Variants in MYO3B observed in about 807,000 individuals in gnomAD.
MYO3B encodes myosin-IIIb.
MYO3B carries 156 observed loss-of-function variants against 174.6 expected under a neutral mutation model. The observed-to-expected ratio is 0.89, with a 90% CI of 0.78 to 1.02. MYO3B has a LOEUF of 1.02. Ranked by LOEUF, MYO3B falls within the 50% of genes least tolerant of loss-of-function variation. The pLI is 0.00. For missense variants in MYO3B, 1,632 were observed against 1,639.4 expected (o/e 1.00, Z 0.08); for synonymous variants, 563 against 569.1 (o/e 0.99, Z 0.15).
chr2:170,557,876 C>A (rs987755292), intron 32 of MYO3B, among the ~76,000 whole-genome samples: 1 of 152,178 alleles, frequency 6.6e-6, no homozygotes, highest in Non-Finnish European at 1.5e-5. Flanking sequence ...CGGGGAGAAG[C>A]TCACATGTGA....
intron 22 of MYO3B, among the ~76,000 whole-genome samples, chr2:170,430,337 A>G (rs1248481732): frequency 1.3e-5 from 2 of 151,266 alleles, no homozygotes; most frequent in Non-Finnish European, 1.5e-5. Flanking sequence ...ATTCCCATCA[A>G]TAGAATCATT....
At chr2:170,338,581 T>C (rs775963746) in intron 8 of MYO3B, among the ~76,000 whole-genome samples, 1 of 152,104 alleles carries the variant, frequency 6.6e-6, no homozygotes, top group Non-Finnish European at 1.5e-5. Flanking sequence ...TGCCCACCAT[T>C]CCCAAATAAT....
rs1254748708 is a variant in MYO3B at position 170,369,188 on chromosome 2, G to A, written c.816-34G>A. On this transcript the variant is annotated intron_variant, in intron 8 of 34. Coordinates refer to ENST00000408978, the MANE Select transcript of MYO3B (RefSeq NM_138995.5). ...ATAGGGGAACAGGGTGTCTAAGATT[G>A]TACTTTGGATTGTTTGTTGGTTTTT... The A allele has an allele frequency of 2.5e-6, 4 of 1,601,566 alleles. No individual in the cohort carries two copies. The Admixed American group carries it at 6.7e-5, about 27-fold the overall frequency.
chr2:170,555,420 C>A (rs1284947277), intron 32 of MYO3B, among the ~76,000 whole-genome samples: 1 of 152,158 alleles, frequency 6.6e-6, no homozygotes, highest in East Asian at 1.9e-4. Flanking sequence ...CCTCCTTATT[C>A]CTCCCTCCCC....
chr2:170,377,634 A>G (rs1195288939), intron 9 of MYO3B, among the ~76,000 whole-genome samples: 2 of 152,174 alleles, frequency 1.3e-5, no homozygotes, highest in African/African-American at 2.4e-5. Context: ...AACTCCAGGA[A>G]CCAGTCCAAG....
intron 28 of MYO3B, among the ~76,000 whole-genome samples, chr2:170,502,750 A>G (rs1243397956): frequency 3.9e-5 from 6 of 152,196 alleles, no homozygotes; most frequent in Non-Finnish European, 7.4e-5. Flanking sequence ...ACTCAGCAGC[A>G]GAGAGAGTGA....
At chr2:170,632,692 G>A (rs927413059) in intron 32 of MYO3B, among the ~76,000 whole-genome samples, 2 of 152,154 alleles carry the variant, frequency 1.3e-5, no homozygotes, top group South Asian at 4.1e-4. Flanking sequence ...AACGAATCCA[G>A]GAGCTGGTTT....
rs181464081 is a variant in MYO3B, at chr2:170,339,375, G to T, written c.815+3925G>T. 5.8e-4 allele frequency among the ~76,000 whole-genome samples: 88 copies of T among 152,268 alleles called. 1 individual carries two copies. The East Asian group carries it at 0.016, about 28-fold the overall frequency. The stretch of plus-strand genomic sequence containing the variant: ...TTTGTCCTCATGTGACTACTGAGCC[G>T]TAACAGAGTCGATTCAATACTCTAG... On this transcript the variant is annotated intron_variant, in intron 8 of 34. Coordinates refer to ENST00000408978, the MANE Select transcript of MYO3B (RefSeq NM_138995.5).
intron 30 of MYO3B, among the ~76,000 whole-genome samples, chr2:170,540,522 C>T (rs116731603): frequency 0.016 from 2,360 of 152,164 alleles, 55 homozygotes; most frequent in African/African-American, 0.052. Flanking sequence ...TCAAGCAGTT[C>T]TCCCACCTCC....
At chr2:170,378,014 T>C (rs1358511603) in intron 9 of MYO3B, among the ~76,000 whole-genome samples, 4 of 152,066 alleles carry the variant, frequency 2.6e-5, no homozygotes, top group Non-Finnish European at 5.9e-5. Context: ...AGATGGAGCA[T>C]GTGAATTTAA....
chr2:170,360,712 C>T (rs925587887), intron 8 of MYO3B, among the ~76,000 whole-genome samples: 36 of 152,148 alleles, frequency 2.4e-4, no homozygotes, highest in Non-Finnish European at 7.4e-5. Context: ...AGAGCCTCTC[C>T]GTGGTGAATG....
chr2:170,436,596 G>A lies in MYO3B; in HGVS notation c.2651-7371G>A, dbSNP rs544643515. On this transcript the variant is annotated intron_variant, in intron 22 of 34. Transcript: ENST00000408978. ...ACTTGCTGAAACTTTGAAATCTTGAGCATCTTGCATATGCACAAATTGCAG... is the reference window on the plus strand; with the variant it reads ...ACTTGCTGAAACTTTGAAATCTTGAACATCTTGCATATGCACAAATTGCAG... Among the ~76,000 whole-genome samples, 9 of 152,302 alleles carry A rather than the reference G, an allele frequency of 5.9e-5. No homozygotes were observed. In the South Asian group the frequency reaches 1.9e-3, roughly 32 times the overall value.
At chr2:170,192,488 AT>A (rs1218498509) in intron 1 of MYO3B, among the ~76,000 whole-genome samples, 1 of 148,076 alleles carries the variant, frequency 6.8e-6, no homozygotes, top group Non-Finnish European at 1.5e-5. Context: ...TATCTATTTT[AT>A]TGTTTTGTCC....
chr2:170,339,775 C>A (rs1240572695), intron 8 of MYO3B, among the ~76,000 whole-genome samples: 2 of 152,168 alleles, frequency 1.3e-5, no homozygotes, highest in African/African-American at 4.8e-5. Flanking sequence ...CATTTATATT[C>A]ATTAGTTATG....
intron 32 of MYO3B, among the ~76,000 whole-genome samples, chr2:170,572,443 C>T (rs1692501326): frequency 2.0e-5 from 3 of 148,040 alleles, no homozygotes; most frequent in African/African-American, 4.9e-5. Context: ...AAAAAAAACC[C>T]ATCTCTACAA....
intron 25 of MYO3B, among the ~76,000 whole-genome samples, chr2:170,467,051 A>G (rs959597716): frequency 1.3e-5 from 2 of 152,196 alleles, no homozygotes; most frequent in Admixed American, 6.5e-5. Flanking sequence ...CCCAAGCACC[A>G]GTTCTTCTTC....
intron 1 of MYO3B, 61 bp from the exon 2 acceptor site, chr2:170,199,147 A>C (rs2092632948): frequency 8.4e-7 from 1 of 1,187,700 alleles, no homozygotes; most frequent in South Asian, 2.4e-5. Context: ...TTTTTGTTTC[A>C]AAAGTCCACT....
chr2:170,576,655 T>C (rs987718706), intron 32 of MYO3B, among the ~76,000 whole-genome samples: 8 of 152,230 alleles, frequency 5.3e-5, no homozygotes, highest in African/African-American at 1.9e-4. Flanking sequence ...GTGTACATAC[T>C]TGCGCATTAA....
intron 25 of MYO3B, among the ~76,000 whole-genome samples, chr2:170,480,367 G>C (rs1309338359): frequency 2.0e-5 from 3 of 152,152 alleles, no homozygotes; most frequent in Non-Finnish European, 2.9e-5. Flanking sequence ...CTGGATAGTT[G>C]AACACATGGA....
Sources: allele counts gnomAD v4.1 joint callset (sites outside exome capture counted in the v4.1 genomes callset), GRCh38; gene constraint gnomAD v4.1.1; transcripts MANE v1.5; gene names NCBI Gene and HGNC (gene_info 2026-07-23, HGNC 2026-07-21).